The following CLMP variants were observed in gnomAD, a reference collection of about 807,000 sequenced individuals.
CLMP encodes the protein CXADR like cell adhesion molecule, also known as CXADR-like membrane protein.
Under a neutral mutation model 45.2 loss-of-function variants are expected in CLMP, and 27 were observed. The observed-to-expected ratio is 0.60, with a 90% CI of 0.44 to 0.82. The LOEUF is 0.82. Among genes scored for constraint, CLMP ranks in the 40% least tolerant of loss-of-function variants. The pLI is 0.00. For missense variants in CLMP, 403 were observed against 448.4 expected (o/e 0.90, Z 0.91); for synonymous variants, 167 against 171.4 (o/e 0.97, Z 0.20).
At chr11:123,175,131 T>A (rs545426886) in intron 1 of CLMP, among the ~76,000 whole-genome samples, 85 of 152,140 alleles carry the variant, frequency 5.6e-4, no homozygotes, top group African/African-American at 9.4e-4. Flanking sequence ...TTAAAAAAAA[T>A]TTTTTTTAAG....
intron 1 of CLMP, among the ~76,000 whole-genome samples, chr11:123,153,540 A>G (rs1297749959): frequency 6.6e-6 from 1 of 152,164 alleles, no homozygotes; most frequent in Non-Finnish European, 1.5e-5. Flanking sequence ...AAAGGGAGGG[A>G]CTGCCCCAAA....
intron 1 of CLMP, among the ~76,000 whole-genome samples, chr11:123,104,357 G>A (rs1291272697): frequency 6.6e-6 from 1 of 150,952 alleles, no homozygotes; most frequent in Non-Finnish European, 1.5e-5. Flanking sequence ...TAGGATTACA[G>A]GCATGAGCCA....
intron 5 of CLMP, among the ~76,000 whole-genome samples, chr11:123,082,616 T>TGTTTTTTTTTTTGAGA: frequency 8.3e-6 from 1 of 120,086 alleles, no homozygotes; most frequent in East Asian, 2.5e-4. Flanking sequence ...TTTTTGTGTG[T>TGTTTTTTTTTTTGAGA]GTTTTTTTTT....
In CLMP at chr11:123,073,561, T is replaced by C. The variant is rs370393913; in HGVS notation, c.1035A>G (p.Pro345=). The C allele has an allele frequency of 1.2e-6, 2 of 1,614,146 alleles. No individual in the cohort carries two copies. Among genetic ancestry groups the C allele is most frequent in the East Asian group, 2.2e-5 (1 of 44,904 alleles). ...TCAGATTAGCATGGTGGACTTTCTTTGGTTCAGAACCTCTCACCTCTGGCC... is the reference window on the plus strand; with the variant it reads ...TCAGATTAGCATGGTGGACTTTCTTCGGTTCAGAACCTCTCACCTCTGGCC... ...LVGPEVRGSE[P]KKVHHANLTK... is the part of the protein sequence containing the mutation. The change falls in exon 7 of 7, where the codon CCA becomes CCG. Residue 345 remains proline, a synonymous_variant. Coordinates refer to ENST00000448775, the MANE Select transcript of CLMP (RefSeq NM_024769.5).
Position 123,195,098 on chromosome 11 carries a change from C to A in CLMP, c.-158G>T, listed in dbSNP as rs1006745034. On this transcript the variant is annotated 5_prime_UTR_variant, in exon 1 of 7. Transcript: ENST00000448775. ...CCGGGCGGGAGCCGGCCCCGCGCCC[C>A]GTGCCCCTGGGGGCAGATGGGCTCC... 8.1e-6 allele frequency: 4 copies of A among 493,756 alleles called. No individual in the cohort carries two copies. Among genetic ancestry groups the A allele is most frequent in the East Asian group, 4.9e-5 (1 of 20,524 alleles). The allele number at this position is 493,756 out of a possible 1,614,324, so 30.6% of individuals were successfully genotyped here.
intron 1 of CLMP, among the ~76,000 whole-genome samples, chr11:123,185,616 G>A (rs1211924779): frequency 6.6e-6 from 1 of 152,228 alleles, no homozygotes; most frequent in African/African-American, 2.4e-5. Flanking sequence ...CCCTATTGGT[G>A]GGAGTGGAGT....
chr11:123,084,458 T>G, intron 3 of CLMP, 54 bp downstream of exon 3: 1 of 1,462,930 alleles, frequency 6.8e-7, no homozygotes, highest in Non-Finnish European at 9.6e-7. Flanking sequence ...TGGCTATCCC[T>G]CTTAGATACC....
intron 4 of CLMP, 30 bp downstream of exon 4, chr11:123,083,650 G>T: frequency 6.2e-7 from 1 of 1,610,458 alleles, no homozygotes; most frequent in Non-Finnish European, 8.5e-7. Context: ...TATTTTGTTG[G>T]CTCAATAGAT....
In CLMP at chr11:123,083,101, C is replaced by T. The variant is rs145742800; in HGVS notation, c.663G>A (p.Val221=). 1 of 1,614,182 alleles carries T rather than the reference C, an allele frequency of 6.2e-7. No individual in the cohort carries two copies. The highest frequency in any genetic ancestry group is 8.5e-7 in the Non-Finnish European group (1 of 1,180,028). Residue 221 remains valine, a synonymous_variant, in exon 5 of 7, where the codon GTG becomes GTA. Transcript: ENST00000448775. ...GNEAGKESCV[V]RVTVQYVQSI... is the part of the protein sequence containing the mutation. ...GATGCTTACACTGTACAGTTACTCGCACCACACAGCTTTCCTTCCCAGCTT... is the reference window on the plus strand; with the variant it reads ...GATGCTTACACTGTACAGTTACTCGTACCACACAGCTTTCCTTCCCAGCTT...
At chr11:123,186,881 ACT>A (rs1861841829) in intron 1 of CLMP, among the ~76,000 whole-genome samples, 1 of 151,826 alleles carries the variant, frequency 6.6e-6, no homozygotes, top group Admixed American at 6.6e-5. Flanking sequence ...GACACTAGGG[ACT>A]CACCTATAGG....
intron 5 of CLMP, among the ~76,000 whole-genome samples, chr11:123,078,852 G>T (rs905750811): frequency 2.0e-5 from 3 of 152,048 alleles, no homozygotes; most frequent in Admixed American, 6.6e-5. Context: ...CACCATGTTA[G>T]CCAGGATGGT....
chr11:123,082,123 A>C lies in CLMP; in HGVS notation c.679+962T>G, dbSNP rs528493862. On this transcript the variant is annotated intron_variant, in intron 5 of 6. Coordinates refer to ENST00000448775, the MANE Select transcript of CLMP (RefSeq NM_024769.5). The stretch of plus-strand genomic sequence containing the variant: ...TGAGCACATGCACATACACACTCAC[A>C]AACACTCTGTGGAGGGGAGAAATCT... Among the ~76,000 whole-genome samples the C allele has an allele frequency of 5.3e-5, 8 of 152,298 alleles. No individual in the cohort carries two copies. In the East Asian group the frequency reaches 1.4e-3, roughly 26 times the overall value.
At chr11:123,157,140 T>C (rs1861425420) in intron 1 of CLMP, among the ~76,000 whole-genome samples, 2 of 152,156 alleles carry the variant, frequency 1.3e-5, no homozygotes, top group East Asian at 1.9e-4. Flanking sequence ...GGTGGAATAT[T>C]CTGAGTAGTT....
At chr11:123,189,236 G>C (rs57085814) in intron 1 of CLMP, among the ~76,000 whole-genome samples, 16,545 of 152,186 alleles carry the variant, frequency 0.11, 956 homozygotes, top group Middle Eastern at 0.16. Flanking sequence ...CTCTGCTTCA[G>C]CCTGATCCAC....
chr11:123,118,934 TTTCTTTCTTTCTTTCTTTCTTTC>T (rs1266954784), intron 1 of CLMP, among the ~76,000 whole-genome samples: 518 of 28,070 alleles, frequency 0.018, 22 homozygotes, highest in Admixed American at 0.061. Context: ...TTTTCTTTTC[TTTCTTTCTTTCTTTCTTTCTTTC>T]TTTCTTTCTT....
chr11:123,106,439 GCA>G (rs1405179766), intron 1 of CLMP, among the ~76,000 whole-genome samples: 2 of 138,486 alleles, frequency 1.4e-5, no homozygotes, highest in Non-Finnish European at 1.6e-5. Context: ...GCGCGCGCGC[GCA>G]CGTGCCTGCC....
intron 1 of CLMP, among the ~76,000 whole-genome samples, chr11:123,150,064 C>T (rs1861291845): frequency 6.6e-6 from 1 of 151,916 alleles, no homozygotes; most frequent in Admixed American, 6.6e-5. Flanking sequence ...CTCAGCCTCC[C>T]AAAGTGCTGA....
At chr11:123,089,883 C>T (rs554416259) in intron 2 of CLMP, among the ~76,000 whole-genome samples, 3 of 151,258 alleles carry the variant, frequency 2.0e-5, no homozygotes, top group East Asian at 4.0e-4. Flanking sequence ...GCAGATCACC[C>T]GAGGTCGGGA....
intron 1 of CLMP, among the ~76,000 whole-genome samples, chr11:123,116,706 C>T (rs752529137): frequency 6.6e-6 from 1 of 152,160 alleles, no homozygotes; most frequent in Non-Finnish European, 1.5e-5. Context: ...ACCACAACAT[C>T]TCGTAAGAGT....
Sources: gnomAD v4.1 joint callset for allele counts (sites outside exome capture counted in the v4.1 genomes callset) on GRCh38, gnomAD v4.1.1 for gene constraint, MANE v1.5 for transcripts, NCBI Gene and HGNC (gene_info 2026-07-23, HGNC 2026-07-21) for gene names.